The following FBXL7 variants were observed in gnomAD, a reference collection of about 807,000 sequenced individuals.
The protein encoded by FBXL7 is F-box/LRR-repeat protein 7.
A neutral mutation model predicts 38.3 loss-of-function variants in FBXL7; 12 were observed. The ratio of observed to expected loss-of-function variants is 0.31; its 90% CI spans 0.20 to 0.51. FBXL7 has a LOEUF of 0.51. Among genes scored for constraint, FBXL7 ranks in the 20% least tolerant of loss-of-function variants. The probability of loss-of-function intolerance (pLI) is 0.98; values close to 1 mark genes in which losing one functional copy is unlikely to be tolerated. For synonymous variants in FBXL7, 297 were observed against 300.9 expected (o/e 0.99, Z 0.13); for missense variants, 567 against 676.4 (o/e 0.84, Z 1.79).
intron 2 of FBXL7, among the ~76,000 whole-genome samples, chr5:15,675,988 A>T (rs891809888): frequency 6.6e-6 from 1 of 152,196 alleles, no homozygotes; most frequent in African/African-American, 2.4e-5. Context: ...ACTGCTTTCA[A>T]CTAACTGCTG....
At chr5:15,777,403 C>T (rs188185948) in intron 2 of FBXL7, among the ~76,000 whole-genome samples, 65 of 152,098 alleles carry the variant, frequency 4.3e-4, no homozygotes, top group African/African-American at 5.5e-4. Context: ...ATATGGATAA[C>T]GTATTCCCTA....
chr5:15,890,398 C>G (rs1028502487), intron 2 of FBXL7, among the ~76,000 whole-genome samples: 2 of 151,998 alleles, frequency 1.3e-5, no homozygotes, highest in East Asian at 1.9e-4. Context: ...ACAGGCATGA[C>G]GCCCAGCTAA....
intron 1 of FBXL7, among the ~76,000 whole-genome samples, chr5:15,541,726 G>A (rs1737760593): frequency 6.6e-6 from 1 of 151,106 alleles, no homozygotes; most frequent in Non-Finnish European, 1.5e-5. Flanking sequence ...TGTATTTTTA[G>A]TAGAGATGGG....
At chr5:15,642,617 A>AT (rs1335115352) in intron 2 of FBXL7, among the ~76,000 whole-genome samples, 1 of 152,188 alleles carries the variant, frequency 6.6e-6, no homozygotes, top group East Asian at 1.9e-4. Flanking sequence ...GTAAGATGAG[A>AT]TTTGGATTGC....
intron 2 of FBXL7, among the ~76,000 whole-genome samples, chr5:15,686,027 G>C (rs775849609): frequency 1.3e-5 from 2 of 152,168 alleles, no homozygotes; most frequent in Non-Finnish European, 2.9e-5. Context: ...TTTTGCCATA[G>C]AGCAGCAACC....
chr5:15,694,490 G>A (rs950736049), intron 2 of FBXL7, among the ~76,000 whole-genome samples: 7 of 152,168 alleles, frequency 4.6e-5, no homozygotes, highest in African/African-American at 1.7e-4. Context: ...ATGCATGTAA[G>A]TGTCCTCTGT....
chr5:15,915,438 C>T (rs1347575798), intron 2 of FBXL7, among the ~76,000 whole-genome samples: 2 of 152,176 alleles, frequency 1.3e-5, no homozygotes, highest in South Asian at 2.1e-4. Context: ...TTTCGGCCTC[C>T]GTCTTCACAG....
chr5:15,673,887 T>A (rs1742566801), intron 2 of FBXL7, among the ~76,000 whole-genome samples: 1 of 152,084 alleles, frequency 6.6e-6, no homozygotes, highest in African/African-American at 2.4e-5. Flanking sequence ...CCAAAAACAA[T>A]GTGACTCAAA....
chr5:15,622,657 C>T (rs1010475112), intron 2 of FBXL7, among the ~76,000 whole-genome samples: 2 of 152,124 alleles, frequency 1.3e-5, no homozygotes, highest in Non-Finnish European at 2.9e-5. Flanking sequence ...GGCCAATACA[C>T]TTATTTTTAT....
At chr5:15,819,017 C>T (rs1561138794) in intron 2 of FBXL7, among the ~76,000 whole-genome samples, 2 of 152,072 alleles carry the variant, frequency 1.3e-5, no homozygotes, top group Non-Finnish European at 2.9e-5. Flanking sequence ...TTTATGATAA[C>T]TTCCAAAAGA....
chr5:15,626,544 C>CTCTGTGTGTGTGTGTG (rs1554010327), intron 2 of FBXL7, among the ~76,000 whole-genome samples: 1 of 148,242 alleles, frequency 6.7e-6, no homozygotes, highest in Non-Finnish European at 1.5e-5. Flanking sequence ...AATTCGTTTC[C>CTCTGTGTGTGTGTGTG]TGTGTGTGTG....
chr5:15,922,394 T>A (rs952166277), intron 2 of FBXL7, among the ~76,000 whole-genome samples: 16 of 152,122 alleles, frequency 1.1e-4, no homozygotes, highest in African/African-American at 3.9e-4. Flanking sequence ...GATCAAGAGC[T>A]TTTTATGTAT....
At chr5:15,867,392 C>T (rs1739761771) in intron 2 of FBXL7, among the ~76,000 whole-genome samples, 1 of 152,204 alleles carries the variant, frequency 6.6e-6, no homozygotes, top group South Asian at 2.1e-4. Context: ...GACAGTCCTT[C>T]AGTCTAAGGA....
intron 2 of FBXL7, among the ~76,000 whole-genome samples, chr5:15,702,471 G>C (rs557602683): frequency 4.6e-5 from 7 of 152,054 alleles, no homozygotes; most frequent in Non-Finnish European, 7.4e-5. Flanking sequence ...GGAGCCACGC[G>C]GTATCTGCCT....
chr5:15,867,505 G>GAAA (rs2126818288), intron 2 of FBXL7, among the ~76,000 whole-genome samples: 1 of 152,272 alleles, frequency 6.6e-6, no homozygotes, highest in South Asian at 2.1e-4. Context: ...TGTATCTTCA[G>GAAA]TAATTCTGAT....
intron 2 of FBXL7, among the ~76,000 whole-genome samples, chr5:15,652,708 T>C (rs1165762585): frequency 3.9e-5 from 6 of 152,220 alleles, no homozygotes; most frequent in African/African-American, 1.2e-4. Flanking sequence ...GGGTTATTAA[T>C]TGGCTGGAAT....
chr5:15,685,259 A>C (rs562658579), intron 2 of FBXL7, among the ~76,000 whole-genome samples: 1 of 152,310 alleles, frequency 6.6e-6, no homozygotes, highest in Middle Eastern at 3.4e-3. Flanking sequence ...GCAGTCTTTG[A>C]ACATGATATT....
chr5:15,669,203 G>A (rs1426803223), intron 2 of FBXL7, among the ~76,000 whole-genome samples: 2 of 152,128 alleles, frequency 1.3e-5, no homozygotes, highest in Non-Finnish European at 2.9e-5. Context: ...AAAAGGAATG[G>A]AACTTTTCAA....
intron 2 of FBXL7, among the ~76,000 whole-genome samples, chr5:15,760,989 A>G (rs923761202): frequency 1.3e-5 from 2 of 152,158 alleles, no homozygotes; most frequent in African/African-American, 4.8e-5. Context: ...GAAGTTAGAC[A>G]ATTACACGAA....
Sources: gnomAD v4.1 joint callset for allele counts (sites outside exome capture counted in the v4.1 genomes callset) on GRCh38, gnomAD v4.1.1 for gene constraint, MANE v1.5 for transcripts, NCBI Gene and HGNC (gene_info 2026-07-23, HGNC 2026-07-21) for gene names.